The following CROCC2 variants were observed in gnomAD, a reference collection of about 807,000 sequenced individuals.
CROCC2 encodes ciliary rootlet coiled-coil, rootletin family member 2, also known as ciliary rootlet coiled-coil protein 2.
In CROCC2, 163 loss-of-function variants were observed where a neutral mutation model predicts 177.6. The ratio of observed to expected loss-of-function variants is 0.92; its 90% CI spans 0.81 to 1.05. CROCC2 has a LOEUF of 1.05. Among genes scored for constraint, CROCC2 ranks in the 50% least tolerant of loss-of-function variants. The pLI, the probability that CROCC2 is intolerant of heterozygous loss-of-function variation, is 0.00. For synonymous variants in CROCC2, 904 were observed against 787.3 expected, an observed-to-expected ratio of 1.15 and a Z score of -2.48; for missense variants, 1,929 against 1,797.8, an observed-to-expected ratio of 1.07 and a Z score of -1.32.
At chr2:240,969,067 C>T (rs772655257) in intron 27 of CROCC2, among the ~76,000 whole-genome samples, 65 of 152,346 alleles carry the variant, frequency 4.3e-4, no homozygotes, top group African/African-American at 1.5e-3. Flanking sequence ...GGGCAACTGC[C>T]CCCAGGCGTC....
rs2059566527 is a variant in CROCC2 at position 240,953,035 on chromosome 2, T to C, written c.2829+2525T>C. Among the ~76,000 whole-genome samples, 1 of 152,052 alleles carries C rather than the reference T, an allele frequency of 6.6e-6. No individual in the cohort carries two copies. The highest frequency in any genetic ancestry group is 1.5e-5 in the Non-Finnish European group (1 of 67,992). On this transcript the variant is annotated intron_variant, in intron 18 of 31. Transcript: ENST00000690015. The surrounding 1 kb of genome is among the most constrained non-coding windows in gnomAD (Gnocchi z 4.0). The stretch of plus-strand genomic sequence containing the variant: ...CTCATTCCCATCCGAGACCAACCAC[T>C]GGGCAACGTGGCCTGTTCTCATGTG...
chr2:240,983,034 G>A lies in CROCC2; in HGVS notation c.4551+5G>A, dbSNP rs1262100608. The A allele has an allele frequency of 1.3e-6, 2 of 1,549,680 alleles. No homozygotes were observed. Among genetic ancestry groups the A allele is most frequent in the Admixed American group, 3.9e-5 (2 of 50,936 alleles). On this transcript the variant is annotated splice_donor_5th_base_variant and intron_variant, in intron 28 of 31. Transcript: ENST00000690015. Reference sequence around the variant, plus strand: ...TCGCTGGAGCCCCTGCGACAGGTGAGGGTGACCAGGAGGGCAGGGTACGCT... The same window carrying A: ...TCGCTGGAGCCCCTGCGACAGGTGAAGGTGACCAGGAGGGCAGGGTACGCT...
At chr2:240,990,017 G>A (rs2059867328) in intron 30 of CROCC2, among the ~76,000 whole-genome samples, 184 bp downstream of exon 30, 1 of 152,192 alleles carries the variant, frequency 6.6e-6, no homozygotes, top group African/African-American at 2.4e-5. Context: ...TCGACGGCAC[G>A]AGGTTTATCC....
Position 240,972,610 on chromosome 2 carries a change from G to A in CROCC2, c.4401+4348G>A, listed in dbSNP as rs1046568763. ...GAGTGCAGAGGACGTCTCTGACATT[G>A]ACCAGACCTTTGTCTGTATGCATTT... is the stretch of plus-strand genomic sequence containing the variant. On this transcript the variant is annotated intron_variant, in intron 27 of 31. Transcript: ENST00000690015. This position sits in a 1 kb window ranked among gnomAD's most constrained non-coding sequence, Gnocchi z 7.1. Among the ~76,000 whole-genome samples, 2 of 151,814 alleles carry A rather than the reference G, an allele frequency of 1.3e-5. No homozygotes were observed. The highest frequency in any genetic ancestry group is 4.8e-5 in the African/African-American group (2 of 41,320).
rs1476315360 is a variant in CROCC2, at chr2:240,963,584, T to C, written c.3116T>C (p.Val1039Ala). The stretch of plus-strand genomic sequence containing the variant: ...GAGAGGCTGCGGGCACAGCTGACCG[T>C]GGCCCAGGAGGGACTGGCCGCACTG... ...EAERLRAQLT[V>A]AQEGLAALRQ... Residue 1039 changes from valine (V) to alanine (A), a missense_variant, in exon 21 of 32, where the codon GTG (valine) becomes GCG (alanine). Coordinates refer to ENST00000690015, the MANE Select transcript of CROCC2 (RefSeq NM_001351305.2). 1.3e-6 allele frequency: 2 copies of C among 1,545,676 alleles called. No homozygotes were observed. Among genetic ancestry groups the C allele is most frequent in the Admixed American group, 3.9e-5 (2 of 50,854 alleles).
chr2:240,934,474 G>A lies in CROCC2; in HGVS notation c.1790G>A (p.Arg597Gln), dbSNP rs879498802. 191 of 1,547,456 alleles carry A rather than the reference G, an allele frequency of 1.2e-4. No homozygotes were observed. The highest frequency in any genetic ancestry group is 1.5e-4 in the Non-Finnish European group (170 of 1,146,450). Residue 597 changes from arginine (R) to glutamine (Q), a missense_variant and splice_region_variant, in exon 12 of 32, where the codon CGG (arginine) becomes CAG (glutamine). By Grantham distance (43) the Arg-to-Gln change is conservative. Around this residue, in one of 3 missense-constraint regions of CROCC2, gnomAD observed 1,397 missense variants for 1,239.9 expected, o/e 1.13. Coordinates refer to ENST00000690015, the MANE Select transcript of CROCC2 (RefSeq NM_001351305.2). ...GAGGGACTGCGCAGCGCCCTGGCGC[G>A]GGTACACTCTGCTCCCCACAACCCC... is the stretch of plus-strand genomic sequence containing the variant. ...EREGLRSALARAECSNADLEL... is the reference protein window; with the variant it reads ...EREGLRSALAQAECSNADLEL...
intron 31 of CROCC2, among the ~76,000 whole-genome samples, chr2:240,992,481 T>A (rs1559195310): frequency 6.6e-6 from 1 of 152,250 alleles, no homozygotes; most frequent in East Asian, 1.9e-4. Context: ...GGAGTTACCA[T>A]ATGCTGTAAA....
intron 1 of CROCC2, among the ~76,000 whole-genome samples, chr2:240,914,585 T>G (rs1375311248): frequency 6.6e-6 from 1 of 152,154 alleles, no homozygotes; most frequent in African/African-American, 2.4e-5. Context: ...CCCTCCACCC[T>G]CTGGCTGGGA....
Position 240,959,408 on chromosome 2 carries a change from G to A in CROCC2, c.3051G>A (p.Gln1017=). ...RETTALRESL[Q]DLAAERGDVE... ...CCACGGCCCTACGCGAGAGCCTCCA[G>A]GACCTAGCGGCTGAGCGGGGCGATG... Residue 1017 remains glutamine, a synonymous_variant, in exon 20 of 32, where the codon CAG becomes CAA. Coordinates refer to ENST00000690015, the MANE Select transcript of CROCC2 (RefSeq NM_001351305.2). 1 of 1,550,532 alleles carries A rather than the reference G, an allele frequency of 6.4e-7. No homozygotes were observed. Among genetic ancestry groups the A allele is most frequent in the Non-Finnish European group, 8.7e-7 (1 of 1,146,930 alleles).
chr2:240,950,571 C>A, intron 18 of CROCC2, 61 bp downstream of exon 18: 2 of 1,493,916 alleles, frequency 1.3e-6, no homozygotes, highest in Non-Finnish European at 1.8e-6. Flanking sequence ...TCACCTCTGG[C>A]CCAGCACAAG....
Position 240,968,240 on chromosome 2 carries a change from G to C in CROCC2, c.4379G>C (p.Gly1460Ala), listed in dbSNP as rs1288418312. Reference protein sequence around the residue: ...LEHLASVRAAGQEKRRLQEQL... With the variant: ...LEHLASVRAAAQEKRRLQEQL... ...CACCTGGCGAGCGTGCGTGCGGCAGGCCAGGAGAAGCGGCGGCTGCAGGTG... is the reference window on the plus strand; with the variant it reads ...CACCTGGCGAGCGTGCGTGCGGCAGCCCAGGAGAAGCGGCGGCTGCAGGTG... Residue 1460 changes from glycine to alanine, a missense_variant, in exon 27 of 32, where the codon GGC becomes GCC. Gly to Ala is a moderately conservative substitution (Grantham distance 60). Around this residue, in one of 3 missense-constraint regions of CROCC2, gnomAD observed 388 missense variants for 352.7 expected, o/e 1.10. Transcript: ENST00000690015. 2.2e-5 allele frequency: 33 copies of C among 1,531,632 alleles called. No individual in the cohort carries two copies. Among genetic ancestry groups the C allele is most frequent in the Non-Finnish European group, 2.6e-5 (30 of 1,144,774 alleles). The allele number at this position is 1,531,632 out of a possible 1,614,324, so 94.9% of individuals were successfully genotyped here. A position where few individuals can be genotyped will look rare whatever the true frequency, so the allele number is the denominator to read the frequency against.
intron 28 of CROCC2, chr2:240,983,525 G>C (rs1330639862): frequency 7.9e-7 from 1 of 1,259,562 alleles, no homozygotes; most frequent in Non-Finnish European, 1.0e-6. Context: ...GCTGCGCACC[G>C]AGCGGGCGCG....
At chr2:240,923,073 G>A (rs575831620) in intron 4 of CROCC2, among the ~76,000 whole-genome samples, 17 of 152,148 alleles carry the variant, frequency 1.1e-4, no homozygotes, top group East Asian at 3.9e-4. Context: ...CCCCTCCCCC[G>A]CTCCACAGGC....
chr2:240,930,346 G>A (rs920645055), intron 6 of CROCC2, 77 bp downstream of exon 6: 14 of 457,664 alleles, frequency 3.1e-5, no homozygotes, highest in African/African-American at 6.1e-5. Context: ...GGGGGAAATC[G>A]GTGCCCAGGG....
intron 14 of CROCC2, among the ~76,000 whole-genome samples, chr2:240,943,330 C>T (rs13405273): frequency 0.026 from 3,901 of 152,090 alleles, 83 homozygotes; most frequent in African/African-American, 0.05. Flanking sequence ...TATACAATCT[C>T]AGGCTTACCT....
rs541829039 is a variant in CROCC2 at position 240,918,884 on chromosome 2, T to A, written c.229+8T>A. The A allele has an allele frequency of 1.5e-6, 1 of 662,252 alleles. No homozygotes were observed. The highest frequency in any genetic ancestry group is 2.9e-5 in the East Asian group (1 of 33,906). 41.0% of individuals were successfully genotyped at this position (662,252 alleles called of 1,614,324 possible). A position where few individuals can be genotyped will look rare whatever the true frequency, so the allele number is the denominator to read the frequency against. On this transcript the variant is annotated splice_region_variant and intron_variant, in intron 2 of 31. Transcript: ENST00000690015. This position sits in a 1 kb window ranked among gnomAD's most constrained non-coding sequence, Gnocchi z 6.3. The stretch of plus-strand genomic sequence containing the variant: ...GTGAGGAGCCACCCCAAGGTGATGG[T>A]GTGGGGGACAGTCCTGGGCCCGGGG...
At chr2:240,971,343 A>G (rs1220710595) in intron 27 of CROCC2, among the ~76,000 whole-genome samples, 1 of 152,164 alleles carries the variant, frequency 6.6e-6, no homozygotes, top group Non-Finnish European at 1.5e-5. Context: ...TCTGCCTGCC[A>G]CGTGGGTCCG....
At chr2:240,961,658 C>T (rs1166064466) in intron 20 of CROCC2, among the ~76,000 whole-genome samples, 1 of 150,010 alleles carries the variant, frequency 6.7e-6, no homozygotes, top group East Asian at 2.0e-4. Flanking sequence ...TCATCACACA[C>T]ACGTACACAC....
intron 3 of CROCC2, among the ~76,000 whole-genome samples, 194 bp from the exon 4 acceptor site, chr2:240,922,345 A>G (rs764725134): frequency 3.3e-5 from 5 of 152,128 alleles, no homozygotes; most frequent in Non-Finnish European, 7.4e-5. Flanking sequence ...CACTTGGCAC[A>G]GGGCAGGAGG....
Sources: allele counts gnomAD v4.1 joint callset (sites outside exome capture counted in the v4.1 genomes callset), GRCh38; gene constraint gnomAD v4.1.1; regional missense constraint gnomAD v4.1.1; non-coding constraint Gnocchi (gnomAD v3.1); transcripts MANE v1.5; gene names NCBI Gene and HGNC (gene_info 2026-07-23, HGNC 2026-07-21).